Variants in ZNF469 observed in about 807,000 individuals in gnomAD.
ZNF469 encodes the protein zinc finger protein 469.
In ZNF469, 1 loss-of-function variant was observed where a neutral mutation model predicts 1.0. The observed-to-expected ratio is 1.00, with a 90% CI of 0.35 to 4.73. The LOEUF is 4.73. ZNF469 is among the 30% of genes most tolerant of loss of function. ZNF469 has a pLI of 0.16. For synonymous variants in ZNF469, 2,703 were observed against 2,363.4 expected, an observed-to-expected ratio of 1.14 and a Z score of -4.17; for missense variants, 6,100 against 5,356.3, an observed-to-expected ratio of 1.14 and a Z score of -4.33.
the ZNF469 span, among the ~76,000 whole-genome samples, chr16:88,364,400 A>C: frequency 6.7e-6 from 1 of 149,512 alleles, no homozygotes; most frequent in Non-Finnish European, 1.5e-5. Flanking sequence ...GAAGCCTTCC[A>C]GCATGTTCTT....
At chr16:88,240,525 G>T in the ZNF469 span, among the ~76,000 whole-genome samples, 1 of 152,146 alleles carries the variant, frequency 6.6e-6, no homozygotes, top group East Asian at 1.9e-4. Context: ...GAATTGAAAA[G>T]GGAATGCACT....
At chr16:88,361,825 A>G in the ZNF469 span, among the ~76,000 whole-genome samples, 1 of 152,188 alleles carries the variant, frequency 6.6e-6, no homozygotes, top group South Asian at 2.1e-4. Context: ...TCTTTTAAGC[A>G]TGATCGGTTT....
At chr16:88,203,270 G>A in the ZNF469 span, among the ~76,000 whole-genome samples, 1,000 of 152,226 alleles carry the variant, frequency 6.6e-3, 17 homozygotes, top group African/African-American at 0.023. Flanking sequence ...GCCAAGACCC[G>A]CGTCTAGGAA....
At chr16:88,298,447 G>T in the ZNF469 span, among the ~76,000 whole-genome samples, 1 of 152,202 alleles carries the variant, frequency 6.6e-6, no homozygotes, top group African/African-American at 2.4e-5. Flanking sequence ...TCAATCTGGG[G>T]CAAGGCTGGG....
upstream of ZNF469, among the ~76,000 whole-genome samples, chr16:88,382,919 G>A (rs2092528866): frequency 6.6e-6 from 1 of 151,266 alleles, no homozygotes; most frequent in African/African-American, 2.4e-5. Context: ...TGCGGGGGCG[G>A]CGGAGTCTGT....
chr16:88,163,694 A>T, the ZNF469 span, among the ~76,000 whole-genome samples: 6 of 149,492 alleles, frequency 4.0e-5, no homozygotes, highest in Admixed American at 4.0e-4. Context: ...GGGTGGGTGG[A>T]TGTATGATGG....
At chr16:88,315,622 T>C in the ZNF469 span, among the ~76,000 whole-genome samples, 1 of 151,946 alleles carries the variant, frequency 6.6e-6, no homozygotes, top group Non-Finnish European at 1.5e-5. Context: ...AGAAGGAGGG[T>C]GGCCATCCTA....
the ZNF469 span, among the ~76,000 whole-genome samples, chr16:88,316,545 C>CTTTTTTTTTTTT: frequency 2.9e-4 from 29 of 100,988 alleles, 3 homozygotes; most frequent in African/African-American, 1.0e-3. Flanking sequence ...TAGGTGCTGT[C>CTTTTTTTTTTTT]TTTTTTTTTT....
At chr16:88,121,528 C>A in the ZNF469 span, among the ~76,000 whole-genome samples, 3 of 152,182 alleles carry the variant, frequency 2.0e-5, no homozygotes, top group African/African-American at 7.2e-5. Context: ...GCCAGATGGG[C>A]CCTTGAAGTC....
upstream of ZNF469, among the ~76,000 whole-genome samples, chr16:88,380,500 C>CAG (rs2092519032): frequency 3.4e-5 from 4 of 118,896 alleles, no homozygotes; most frequent in Admixed American, 7.9e-5. Context: ...CACACATGCA[C>CAG]TCACACAGAC....
chr16:88,347,400 A>C, the ZNF469 span, among the ~76,000 whole-genome samples: 2 of 152,120 alleles, frequency 1.3e-5, no homozygotes, highest in African/African-American at 4.8e-5. Context: ...TGAGATTTCC[A>C]CTGAGCCGCG....
chr16:88,251,575 T>TTTTTTTTTTG, the ZNF469 span, among the ~76,000 whole-genome samples: 2 of 112,650 alleles, frequency 1.8e-5, no homozygotes, highest in Non-Finnish European at 3.6e-5. Context: ...TTTTTTTTTT[T>TTTTTTTTTTG]TGAGATGGAG....
Position 88,428,890 on chromosome 16 carries a change from C to T in ZNF469, c.1420C>T (p.Leu474Phe), listed in dbSNP as rs1905903782. The T allele has an allele frequency of 6.5e-7, 1 of 1,547,642 alleles. No individual in the cohort carries two copies. The highest frequency in any genetic ancestry group is 2.0e-5 in the Admixed American group (1 of 50,918). The change falls in exon 3 of 3, where the codon CTC (leucine) becomes TTC (phenylalanine). Residue 474 changes from leucine (L) to phenylalanine (F), a missense_variant. Leu to Phe is a conservative substitution (Grantham distance 22). Transcript: ENST00000565624. ...FNGQPSPGQRLCLPQSAPLPW... is the reference protein window; with the variant it reads ...FNGQPSPGQRFCLPQSAPLPW... ...CGGCCAGCCCAGCCCAGGCCAGCGG[C>T]TCTGCCTCCCCCAGAGTGCCCCCCT...
At chr16:88,411,739 C>A (rs930055198) in intron 1 of ZNF469, among the ~76,000 whole-genome samples, 1 of 152,192 alleles carries the variant, frequency 6.6e-6, no homozygotes, top group Non-Finnish European at 1.5e-5. Context: ...GGGCCTCTCA[C>A]TCTGTGTCCA....
rs1272601096 is a variant in ZNF469 at position 88,428,842 on chromosome 16, G to A, written c.1372G>A (p.Ala458Thr). Residue 458 changes from alanine to threonine, a missense_variant, in exon 3 of 3, where the codon GCC becomes ACC. Physicochemically the swap from Ala to Thr is moderately conservative, Grantham distance 58. Coordinates refer to ENST00000565624, the MANE Select transcript of ZNF469 (RefSeq NM_001367624.2). ...YPTPPGGPLA[A>T]TRSMFFNGQP... ...CACACCTCCTGGGGGCCCCCTGGCT[G>A]CCACCAGGAGTATGTTCTTTAACGG... 5 of 1,548,204 alleles carry A rather than the reference G, an allele frequency of 3.2e-6. No homozygotes were observed. The highest frequency in any genetic ancestry group is 2.0e-5 in the Admixed American group (1 of 50,966).
At chr16:88,393,735 G>A (rs976783563) in intron 1 of ZNF469, among the ~76,000 whole-genome samples, 1 of 152,264 alleles carries the variant, frequency 6.6e-6, no homozygotes, top group Non-Finnish European at 1.5e-5. Flanking sequence ...GGACACAGGT[G>A]ACAACCAGCA....
Position 88,431,456 on chromosome 16 carries a change from C to T in ZNF469, c.3986C>T (p.Ala1329Val). Residue 1329 changes from alanine to valine, a missense_variant, in exon 3 of 3, where the codon GCA (alanine) becomes GTA (valine). Coordinates refer to ENST00000565624, the MANE Select transcript of ZNF469 (RefSeq NM_001367624.2). ...PPARQPGEFLAPVANPSSTAC... is the reference protein window; with the variant it reads ...PPARQPGEFLVPVANPSSTAC... ...GCCCGCCAGCCTGGAGAATTTCTGG[C>T]ACCCGTGGCTAACCCCTCAAGTACC... The T allele has an allele frequency of 1.3e-6, 2 of 1,550,372 alleles. No homozygotes were observed. Among genetic ancestry groups the T allele is most frequent in the African/African-American group, 2.7e-5 (2 of 73,180 alleles).
At chr16:88,108,887 C>T in the ZNF469 span, among the ~76,000 whole-genome samples, 11 of 152,158 alleles carry the variant, frequency 7.2e-5, no homozygotes, top group African/African-American at 1.2e-4. Context: ...CCACCAGCCC[C>T]GGTCGGGACT....
chr16:88,147,162 G>T, the ZNF469 span, among the ~76,000 whole-genome samples: 1 of 152,068 alleles, frequency 6.6e-6, no homozygotes, highest in African/African-American at 2.4e-5. Context: ...ACGAGGCCAC[G>T]GAGAGACTGG....
Sources: allele counts gnomAD v4.1 joint callset (sites outside exome capture counted in the v4.1 genomes callset), GRCh38; gene constraint gnomAD v4.1.1; transcripts MANE v1.5; gene names NCBI Gene and HGNC (gene_info 2026-07-23, HGNC 2026-07-21).